The following CREBZF variants were observed in gnomAD, a reference collection of about 807,000 sequenced individuals.
CREBZF encodes CREB/ATF bZIP transcription factor.
CREBZF carries 8 observed loss-of-function variants against 21.1 expected under a neutral mutation model. The observed-to-expected ratio is 0.38, with a 90% CI of 0.22 to 0.68. The LOEUF is 0.68. CREBZF is among the 30% of genes least tolerant of loss of function. The pLI, the probability that CREBZF is intolerant of heterozygous loss-of-function variation, is 0.51. For missense variants in CREBZF, 518 were observed against 484.3 expected (o/e 1.07, Z -0.65); for synonymous variants, 270 against 223.3 (o/e 1.21, Z -1.86).
chr11:85,671,859 A>G lies in CREBZF; in HGVS notation n.148-8258T>C, dbSNP rs553292334. 1.8e-4 allele frequency among the ~76,000 whole-genome samples: 28 copies of G among 152,300 alleles called. 1 individual carries two copies. The South Asian group carries it at 5.6e-3, about 30-fold the overall frequency. ...TCCAGGTGCACAGTGCAAACTGTTG[A>G]TAGATCTACCATTCTGGGGTCTGGA... is the stretch of plus-strand genomic sequence containing the variant. On this transcript the variant is annotated intron_variant and non_coding_transcript_variant, in intron 1 of 3. Coordinates refer to the CREBZF transcript ENST00000531515.
In CREBZF at chr11:85,664,266, GGTTGTT is replaced by G; in HGVS notation, c.604_609del (p.Asn202_Asn203del). 3.1e-6 allele frequency: 5 copies of G among 1,612,726 alleles called. No homozygotes were observed. Among genetic ancestry groups the G allele is most frequent in the Non-Finnish European group, 4.2e-6 (5 of 1,179,776 alleles). ...TTCCGGGGACTCTTTGTCGCCGCCTGGTTGTTGTCGTTACCGCTGCCGCCACCGCCG... is the reference window on the plus strand; with the variant it reads ...TTCCGGGGACTCTTTGTCGCCGCCTGGTCGTTACCGCTGCCGCCACCGCCG... On this transcript the variant is annotated inframe_deletion, in exon 1 of 1. Coordinates refer to ENST00000527447, the MANE Select transcript of CREBZF (RefSeq NM_001039618.4). The surrounding 1 kb of genome is among the most constrained non-coding windows in gnomAD (Gnocchi z 5.5).
chr11:85,669,001 C>CAAA (rs61718728), upstream of CREBZF, among the ~76,000 whole-genome samples: 10 of 33,218 alleles, frequency 3.0e-4, 1 homozygote, highest in Middle Eastern at 0.038. Context: ...GACTCCGTCT[C>CAAA]AAAAAAAAAA....
At chr11:85,674,977 C>T (rs1162292479) in intron 1 of CREBZF, among the ~76,000 whole-genome samples, 1 of 152,244 alleles carries the variant, frequency 6.6e-6, no homozygotes, top group Non-Finnish European at 1.5e-5. Context: ...AGTTTCCTCA[C>T]CTCTTTCAGC....
intron 1 of CREBZF, among the ~76,000 whole-genome samples, chr11:85,671,576 T>C (rs952598156): frequency 2.6e-5 from 4 of 152,242 alleles, no homozygotes; most frequent in African/African-American, 9.6e-5. Flanking sequence ...GGTACAGGCA[T>C]TGGGTAAATA....
At position 85,659,308 on chromosome 11, in the gene CREBZF, A is replaced by T. The variant is rs1042371545; in HGVS notation, c.*4503T>A. On this transcript the variant is annotated 3_prime_UTR_variant, in exon 1 of 1. Transcript: ENST00000527447. Reference sequence around the variant, plus strand: ...ATGCTGAACTAGATAATCACATATTAAAAAGGTAATGACTCATTATCAGTG... The same window carrying T: ...ATGCTGAACTAGATAATCACATATTTAAAAGGTAATGACTCATTATCAGTG... Among the ~76,000 whole-genome samples, 1 of 152,044 alleles carries T rather than the reference A, an allele frequency of 6.6e-6. No homozygotes were observed. Among genetic ancestry groups the T allele is most frequent in the African/African-American group, 2.4e-5 (1 of 41,436 alleles).
chr11:85,666,882 A>T (rs890044288), upstream of CREBZF, among the ~76,000 whole-genome samples: 2 of 152,212 alleles, frequency 1.3e-5, no homozygotes, highest in Non-Finnish European at 2.9e-5. Flanking sequence ...TTAACATTCC[A>T]TTAGGAAAGA....
At position 85,662,738 on chromosome 11, in the gene CREBZF, C is replaced by T; in HGVS notation, c.*1073G>A. 1 of 284,716 alleles carries T rather than the reference C, an allele frequency of 3.5e-6. No individual in the cohort carries two copies. The highest frequency in any genetic ancestry group is 1.0e-3 in the Middle Eastern group (1 of 972). 17.6% of individuals were successfully genotyped at this position (284,716 alleles called of 1,614,324 possible). A position where few individuals can be genotyped will look rare whatever the true frequency, so the allele number is the denominator to read the frequency against. The stretch of plus-strand genomic sequence containing the variant: ...ATTCTTTGTGAAGCCTCACTTTACA[C>T]GTTTTCATTCACATTTCACAACCTT... On this transcript the variant is annotated 3_prime_UTR_variant, in exon 1 of 1. Transcript: ENST00000527447.
At chr11:85,682,473 C>G (rs1266382020) in intron 1 of CREBZF, among the ~76,000 whole-genome samples, 2 of 152,150 alleles carry the variant, frequency 1.3e-5, no homozygotes, top group African/African-American at 4.8e-5. Flanking sequence ...ATCTCCAAAA[C>G]GGCAAATAAG....
In CREBZF at chr11:85,671,165, A is replaced by G. The variant is rs536544543; in HGVS notation, n.148-7564T>C. ...AAGGAAAAGCAAAGGCATGTCTTAC[A>G]TGGCAGTAGGCAAGAGAGCATATGT... On this transcript the variant is annotated intron_variant and non_coding_transcript_variant, in intron 1 of 3. Transcript: ENST00000531515. 7.2e-5 allele frequency among the ~76,000 whole-genome samples: 11 copies of G among 152,338 alleles called. No homozygotes were observed. In the East Asian group the frequency reaches 2.1e-3, roughly 29 times the overall value.
rs1018626750 is a variant in CREBZF, at chr11:85,660,807, A to G, written c.*3004T>C. On this transcript the variant is annotated 3_prime_UTR_variant, in exon 1 of 1. Coordinates refer to ENST00000527447, the MANE Select transcript of CREBZF (RefSeq NM_001039618.4). ...AGGTCAAAATATGATGTGTTAGTTC[A>G]ATTAATGTATGAACTCCTGCCACCA... 24 of 260,958 alleles carry G rather than the reference A, an allele frequency of 9.2e-5. No homozygotes were observed. Among genetic ancestry groups the G allele is most frequent in the African/African-American group, 5.6e-4 (24 of 42,802 alleles). 16.2% of individuals were successfully genotyped at this position (260,958 alleles called of 1,614,324 possible).
chr11:85,670,658 CCT>C (rs1316869832), intron 1 of CREBZF, among the ~76,000 whole-genome samples: 1 of 152,088 alleles, frequency 6.6e-6, no homozygotes, highest in Admixed American at 6.5e-5. Flanking sequence ...CAACTCATCC[CCT>C]GAGACATGCA....
chr11:85,671,453 A>G (rs2082911015), intron 1 of CREBZF, among the ~76,000 whole-genome samples: 2 of 152,222 alleles, frequency 1.3e-5, no homozygotes, highest in South Asian at 4.1e-4. Context: ...TCCCACATTC[A>G]GCATTAACTC....
At position 85,665,082 on chromosome 11, in the gene CREBZF, C is replaced by T. The variant is rs969553714; in HGVS notation, c.-207G>A. On this transcript the variant is annotated 5_prime_UTR_variant, in exon 1 of 1. Coordinates refer to ENST00000527447, the MANE Select transcript of CREBZF (RefSeq NM_001039618.4). The stretch of plus-strand genomic sequence containing the variant: ...GACGGGAGAACGAAGCGGTGAGGCC[C>T]TGCGATGACTCGACCGCGCCACCCA... 5 of 427,826 alleles carry T rather than the reference C, an allele frequency of 1.2e-5. No homozygotes were observed. Among genetic ancestry groups the T allele is most frequent in the African/African-American group, 2.1e-5 (1 of 48,692 alleles). The allele number at this position is 427,826 out of a possible 1,614,324, so 26.5% of individuals were successfully genotyped here. A position where few individuals can be genotyped will look rare whatever the true frequency, so the allele number is the denominator to read the frequency against.
At position 85,664,043 on chromosome 11, in the gene CREBZF, G is replaced by C; in HGVS notation, c.833C>G (p.Ala278Gly). The change falls in exon 1 of 1, where the codon GCT becomes GGT. Residue 278 changes from alanine to glycine, a missense_variant. Physicochemically the swap from Ala to Gly is moderately conservative, Grantham distance 60. This residue lies in a region of CREBZF where 114 missense variants were observed against 134.1 expected (regional missense o/e 0.85). Coordinates refer to ENST00000527447, the MANE Select transcript of CREBZF (RefSeq NM_001039618.4). The surrounding 1 kb of genome is among the most constrained non-coding windows in gnomAD (Gnocchi z 5.5). ...GCCGCTCAGCCGGCTCAGCAAGCGAGCCAGTCCAGTCTCGTTGGCTAAGAC... is the reference window on the plus strand; with the variant it reads ...GCCGCTCAGCCGGCTCAGCAAGCGACCCAGTCCAGTCTCGTTGGCTAAGAC... ...RAVLANETGLARLLSRLSGVG... is the reference protein window; with the variant it reads ...RAVLANETGLGRLLSRLSGVG... 1 of 1,613,598 alleles carries C rather than the reference G, an allele frequency of 6.2e-7. No homozygotes were observed. The highest frequency in any genetic ancestry group is 8.5e-7 in the Non-Finnish European group (1 of 1,180,010).
rs1047034917 is a variant in CREBZF at position 85,661,778 on chromosome 11, A to G, written c.*2033T>C. The G allele has an allele frequency of 6.6e-6, 1 of 152,532 alleles. No individual in the cohort carries two copies. The allele number at this position is 152,532 out of a possible 1,614,324, so 9.4% of individuals were successfully genotyped here. A position where few individuals can be genotyped will look rare whatever the true frequency, so the allele number is the denominator to read the frequency against. On this transcript the variant is annotated 3_prime_UTR_variant, in exon 1 of 1. Transcript: ENST00000527447. The stretch of plus-strand genomic sequence containing the variant: ...AAAGATCAACAAACCTGGTTTTATT[A>G]TGACACCATATTTTTGTCATTGGTA...
At chr11:85,678,473 C>G (rs1023290708) in intron 1 of CREBZF, among the ~76,000 whole-genome samples, 10 of 151,920 alleles carry the variant, frequency 6.6e-5, no homozygotes, top group African/African-American at 2.4e-4. Flanking sequence ...GCATTTAAGT[C>G]TTGAAAATTT....
intron 1 of CREBZF, among the ~76,000 whole-genome samples, chr11:85,670,411 C>T (rs1348105182): frequency 7.1e-6 from 1 of 140,954 alleles, no homozygotes; most frequent in African/African-American, 2.6e-5. Flanking sequence ...TCACACCATT[C>T]TCCTGCCTCA....
chr11:85,665,212 TG>T (rs2153326788), upstream of CREBZF: 1 of 313,404 alleles, frequency 3.2e-6, no homozygotes, highest in African/African-American at 2.1e-5. Context: ...TGCTTTAGAG[TG>T]GGAATAATTC....
chr11:85,676,047 G>T (rs974626384), intron 1 of CREBZF, among the ~76,000 whole-genome samples: 1 of 152,166 alleles, frequency 6.6e-6, no homozygotes, highest in Non-Finnish European at 1.5e-5. Context: ...TTATACTATT[G>T]TGGACTAATC....
Sources: gnomAD v4.1 joint callset for allele counts (sites outside exome capture counted in the v4.1 genomes callset) on GRCh38, gnomAD v4.1.1 for gene constraint, gnomAD v4.1.1 regional missense constraint, Gnocchi (gnomAD v3.1) non-coding constraint, MANE v1.5 for transcripts, NCBI Gene and HGNC (gene_info 2026-07-23, HGNC 2026-07-21) for gene names.